TIMM9: variants seen among roughly 807,000 people sequenced by gnomAD.
The protein encoded by TIMM9 is mitochondrial import inner membrane translocase subunit Tim9.
In TIMM9, 10 loss-of-function variants were observed where a neutral mutation model predicts 13.4. That is an observed-to-expected ratio of 0.75 (90% CI 0.46 to 1.26). TIMM9 has a LOEUF of 1.26. TIMM9 is among the 50% of genes most tolerant of loss of function. TIMM9 has a pLI of 0.00. For missense variants in TIMM9, 87 were observed against 100.8 expected (o/e 0.86, Z 0.58); for synonymous variants, 32 against 32.1 (o/e 1.00, Z 0.01).
At chr14:58,424,512 G>A (rs533980834) in intron 2 of TIMM9, among the ~76,000 whole-genome samples, 1 of 152,114 alleles carries the variant, frequency 6.6e-6, no homozygotes, top group Non-Finnish European at 1.5e-5. Context: ...CCTATAAAAT[G>A]TCTTATAAGC....
intron 3 of TIMM9, 71 bp from the exon 4 acceptor site, chr14:58,412,042 G>A: frequency 1.8e-6 from 2 of 1,086,106 alleles, no homozygotes. Flanking sequence ...AAGAGTTAGG[G>A]AATCACTGCT....
chr14:58,426,504 C>T (rs1860571282), intron 2 of TIMM9, among the ~76,000 whole-genome samples: 1 of 152,148 alleles, frequency 6.6e-6, no homozygotes, highest in Non-Finnish European at 1.5e-5. Context: ...CGCGCTCAGA[C>T]TTTAAAGTCC....
intron 2 of TIMM9, among the ~76,000 whole-genome samples, chr14:58,425,102 G>C (rs2036693955): frequency 6.6e-6 from 1 of 152,010 alleles, no homozygotes; most frequent in South Asian, 2.1e-4. Flanking sequence ...AAGGGGTTGA[G>C]AGGGCTGATT....
intron 2 of TIMM9, among the ~76,000 whole-genome samples, chr14:58,425,815 T>G (rs1026534843): frequency 2.0e-5 from 3 of 151,672 alleles, no homozygotes; most frequent in African/African-American, 7.3e-5. Flanking sequence ...GAAGAGAAAA[T>G]GTAACTAAAA....
chr14:58,416,595 A>G (rs1318317823), intron 3 of TIMM9, among the ~76,000 whole-genome samples: 1 of 152,238 alleles, frequency 6.6e-6, no homozygotes, highest in Non-Finnish European at 1.5e-5. Context: ...ATCAAGGAGG[A>G]AAACACAGTA....
At chr14:58,411,666 G>A (rs189675104) in intron 4 of TIMM9, among the ~76,000 whole-genome samples, 1 of 151,826 alleles carries the variant, frequency 6.6e-6, no homozygotes, top group Non-Finnish European at 1.5e-5. Context: ...AGCCTCCCAC[G>A]TAGCTGGGAC....
intron 3 of TIMM9, among the ~76,000 whole-genome samples, chr14:58,413,536 G>A (rs900517289): frequency 3.9e-5 from 6 of 152,058 alleles, no homozygotes; most frequent in Admixed American, 1.3e-4. Flanking sequence ...CTAACGTGGC[G>A]GCAACAGGGA....
In TIMM9 at chr14:58,410,929, A is replaced by G; in HGVS notation, c.49T>C (p.Phe17Leu). Residue 17 changes from phenylalanine (F) to leucine (L), a missense_variant, in exon 5 of 6, where the codon TTT (phenylalanine) becomes CTT (leucine). By Grantham distance (22) the Phe-to-Leu change is conservative. Transcript: ENST00000395159. ...ESDQIKQFKE[F>L]LGTYNKLTET... Reference sequence around the variant, plus strand: ...GTAAGTTTATTGTAGGTCCCCAGAAATTCCTTAAACTACAAACAAACCAGA... The same window carrying G: ...GTAAGTTTATTGTAGGTCCCCAGAAGTTCCTTAAACTACAAACAAACCAGA... The G allele has an allele frequency of 6.2e-7, 1 of 1,612,030 alleles. No individual in the cohort carries two copies. Among genetic ancestry groups the G allele is most frequent in the Non-Finnish European group, 8.5e-7 (1 of 1,179,076 alleles).
chr14:58,413,113 G>T (rs374863245), intron 3 of TIMM9, among the ~76,000 whole-genome samples: 1 of 151,912 alleles, frequency 6.6e-6, no homozygotes, highest in Non-Finnish European at 1.5e-5. Flanking sequence ...GACATTTTAC[G>T]TTCCTTTTCT....
chr14:58,419,510 C>G (rs886521439), intron 3 of TIMM9, among the ~76,000 whole-genome samples: 18 of 148,938 alleles, frequency 1.2e-4, no homozygotes, highest in Non-Finnish European at 2.4e-4. Flanking sequence ...CACACAAACA[C>G]ATACACACAC....
chr14:58,417,147 C>T (rs2036436947), intron 3 of TIMM9, among the ~76,000 whole-genome samples: 1 of 152,128 alleles, frequency 6.6e-6, no homozygotes, highest in African/African-American at 2.4e-5. Context: ...CTTGCTCCTC[C>T]TTGCCTTCAG....
At chr14:58,412,766 T>C (rs2036262743) in intron 3 of TIMM9, among the ~76,000 whole-genome samples, 1 of 152,046 alleles carries the variant, frequency 6.6e-6, no homozygotes, top group Non-Finnish European at 1.5e-5. Flanking sequence ...CCAGACGTGG[T>C]GTCATGTGCC....
intron 3 of TIMM9, among the ~76,000 whole-genome samples, chr14:58,419,086 T>C (rs2036504808): frequency 1.3e-5 from 2 of 152,162 alleles, no homozygotes; most frequent in South Asian, 2.1e-4. Flanking sequence ...TAATCAATGC[T>C]GTGTGCCACT....
At chr14:58,410,961 T>C (rs768932922) in intron 4 of TIMM9, 23 bp from the exon 5 acceptor site, 2 of 1,552,732 alleles carry the variant, frequency 1.3e-6, no homozygotes. Flanking sequence ...CAGAATGTTC[T>C]TTAGTATTTG....
intron 3 of TIMM9, among the ~76,000 whole-genome samples, chr14:58,412,778 G>A (rs2036263134): frequency 6.6e-6 from 1 of 152,086 alleles, no homozygotes; most frequent in Non-Finnish European, 1.5e-5. Context: ...TCATGTGCCT[G>A]TGGTCCCAGC....
intron 4 of TIMM9, 53 bp downstream of exon 4, chr14:58,411,854 T>G (rs1346846570): frequency 1.9e-6 from 3 of 1,541,856 alleles, no homozygotes; most frequent in Non-Finnish European, 2.7e-6. Flanking sequence ...GTGGCATTAG[T>G]AGCACCTTAC....
chr14:58,410,824 T>G lies in TIMM9; in HGVS notation c.135+19A>C, dbSNP rs1300505752. The G allele has an allele frequency of 1.3e-6, 2 of 1,556,300 alleles. No homozygotes were observed. The highest frequency in any genetic ancestry group is 1.9e-5 in the Admixed American group (1 of 53,862). On this transcript the variant is annotated intron_variant, in intron 5 of 5. Transcript: ENST00000395159. ...TTTATGAAGGCTTGTAGAATTTTAG[T>G]GAGTAACACTTTTCATACCTCTTCA... is the stretch of plus-strand genomic sequence containing the variant.
At chr14:58,413,980 C>A (rs1270866654) in intron 3 of TIMM9, among the ~76,000 whole-genome samples, 1 of 108,990 alleles carries the variant, frequency 9.2e-6, no homozygotes, top group Non-Finnish European at 1.7e-5. Flanking sequence ...GCACTCCGGC[C>A]TGGGTGACAG....
chr14:58,424,646 T>C (rs1387521070), intron 2 of TIMM9, among the ~76,000 whole-genome samples: 2 of 152,164 alleles, frequency 1.3e-5, no homozygotes, highest in Non-Finnish European at 2.9e-5. Context: ...GGTGGGTGGA[T>C]AGCTTGAGCC....
Sources: allele counts gnomAD v4.1 joint callset (sites outside exome capture counted in the v4.1 genomes callset), GRCh38; gene constraint gnomAD v4.1.1; transcripts MANE v1.5; gene names NCBI Gene and HGNC (gene_info 2026-07-23, HGNC 2026-07-21).